The following DPY19L1 variants were observed in gnomAD, a reference collection of about 807,000 sequenced individuals.
DPY19L1 encodes the protein dpy-19 like C-mannosyltransferase 1, also known as protein C-mannosyl-transferase DPY19L1.
In DPY19L1, 35 loss-of-function variants were observed where a neutral mutation model predicts 96.9. The ratio of observed to expected loss-of-function variants is 0.36; its 90% CI spans 0.28 to 0.48. The LOEUF (loss-of-function observed/expected upper bound fraction) is 0.48. Among genes scored for constraint, DPY19L1 ranks in the 20% least tolerant of loss-of-function variants. DPY19L1 has a pLI of 0.99. For missense variants in DPY19L1, 521 were observed against 777.9 expected, an observed-to-expected ratio of 0.67 and a Z score of 3.93; for synonymous variants, 205 against 252.6, an observed-to-expected ratio of 0.81 and a Z score of 1.79.
intron 6 of DPY19L1, among the ~76,000 whole-genome samples, chr7:35,004,740 A>T (rs1333334235): frequency 1.3e-5 from 2 of 152,280 alleles, no homozygotes; most frequent in South Asian, 2.1e-4. Context: ...AATTTCACAC[A>T]GCTGTTTCTT....
intron 10 of DPY19L1, among the ~76,000 whole-genome samples, chr7:34,964,279 A>G (rs1380895854): frequency 6.6e-6 from 1 of 152,180 alleles, no homozygotes; most frequent in Non-Finnish European, 1.5e-5. Flanking sequence ...TGCAAACTAC[A>G]TTGTGTAATT....
At chr7:35,010,383 C>G in intron 6 of DPY19L1, 85 bp downstream of exon 6, 2 of 781,124 alleles carry the variant, frequency 2.6e-6, no homozygotes, top group Middle Eastern at 3.9e-4. Flanking sequence ...TAAAACTGAA[C>G]TATAAATTAA....
At chr7:34,976,682 C>T (rs923105665) in intron 7 of DPY19L1, among the ~76,000 whole-genome samples, 2 of 152,156 alleles carry the variant, frequency 1.3e-5, no homozygotes, top group Non-Finnish European at 2.9e-5. Flanking sequence ...AAGAAATTGC[C>T]ACAGCTATCC....
At chr7:35,034,848 T>C (rs1786348431) in intron 1 of DPY19L1, among the ~76,000 whole-genome samples, 1 of 152,228 alleles carries the variant, frequency 6.6e-6, no homozygotes, top group Non-Finnish European at 1.5e-5. Flanking sequence ...GAATATGCAA[T>C]GCAATGTGGA....
intron 7 of DPY19L1, among the ~76,000 whole-genome samples, chr7:34,980,188 T>C (rs1385572367): frequency 1.3e-5 from 2 of 152,128 alleles, no homozygotes; most frequent in East Asian, 3.8e-4. Flanking sequence ...CTAGGTTAAC[T>C]GGACATCCTA....
chr7:34,959,941 AT>A (rs1784468187), intron 10 of DPY19L1, among the ~76,000 whole-genome samples: 1 of 143,556 alleles, frequency 7.0e-6, no homozygotes, highest in African/African-American at 2.5e-5. Context: ...ATATATATAT[AT>A]ATATAAAAGA....
intron 8 of DPY19L1, among the ~76,000 whole-genome samples, 192 bp downstream of exon 8, chr7:34,973,322 A>T (rs991680504): frequency 1.3e-5 from 2 of 152,186 alleles, no homozygotes; most frequent in African/African-American, 4.8e-5. Context: ...ACCAAGAAAA[A>T]GGAGGAGGAA....
intron 7 of DPY19L1, among the ~76,000 whole-genome samples, chr7:34,985,895 C>A (rs1423553061): frequency 1.3e-5 from 2 of 151,800 alleles, no homozygotes; most frequent in Non-Finnish European, 2.9e-5. Flanking sequence ...AGCCAAGACA[C>A]GGAAGCAACC....
intron 6 of DPY19L1, among the ~76,000 whole-genome samples, chr7:34,999,757 G>C (rs1785379571): frequency 6.6e-6 from 1 of 152,126 alleles, no homozygotes. Context: ...GAATTAATCA[G>C]CATACAGAAC....
chr7:34,936,630 A>T (rs1425126320), intron 21 of DPY19L1, among the ~76,000 whole-genome samples: 1 of 152,238 alleles, frequency 6.6e-6, no homozygotes, highest in East Asian at 1.9e-4. Context: ...TTTATATAAC[A>T]ATGTTAAAGG....
At chr7:34,972,224 G>A (rs941358131) in intron 8 of DPY19L1, among the ~76,000 whole-genome samples, 14 of 152,342 alleles carry the variant, frequency 9.2e-5, no homozygotes, top group African/African-American at 3.4e-4. Context: ...TTCAGGAAGA[G>A]GGTTGCACCT....
At position 34,990,220 on chromosome 7, in the gene DPY19L1, T is replaced by C. The variant is rs191480329; in HGVS notation, c.765-279A>G. On this transcript the variant is annotated intron_variant, in intron 6 of 21. Coordinates refer to ENST00000638088, the MANE Select transcript of DPY19L1 (RefSeq NM_001366673.1). ...GAATAGAAAATTCTTAGTAGTCATA[T>C]TACTGTACATCACGCAACCTGATAT... Among the ~76,000 whole-genome samples, 5 of 152,378 alleles carry C rather than the reference T, an allele frequency of 3.3e-5. No homozygotes were observed. In the East Asian group the frequency reaches 7.7e-4, roughly 23 times the overall value.
intron 3 of DPY19L1, among the ~76,000 whole-genome samples, chr7:35,014,011 T>C (rs1785777993): frequency 6.6e-6 from 1 of 152,212 alleles, no homozygotes; most frequent in African/African-American, 2.4e-5. Flanking sequence ...ATATCACTCT[T>C]AGAAAATGCT....
At chr7:34,939,107 G>A (rs116714147) in intron 20 of DPY19L1, 169 bp downstream of exon 20, 17 of 528,464 alleles carry the variant, frequency 3.2e-5, no homozygotes, top group Middle Eastern at 5.0e-4. Flanking sequence ...AAGCTTTAAC[G>A]GATTTGTTTA....
chr7:34,958,062 A>G lies in DPY19L1; in HGVS notation c.1101T>C (p.Leu367=), dbSNP rs761618635. Residue 367 remains leucine, a synonymous_variant, in exon 11 of 22, where the codon CTT becomes CTC. Coordinates refer to ENST00000638088, the MANE Select transcript of DPY19L1 (RefSeq NM_001366673.1). ...CAAACATCAAAACAAAACAAAGTGC[A>G]AGAGAAATCTGGAAAAATCCAAGAA... The part of the protein sequence containing the change: ...RKIIYIHMIS[L]ALCFVLMFGN... The G allele has an allele frequency of 6.4e-7, 1 of 1,574,456 alleles. No homozygotes were observed. The highest frequency in any genetic ancestry group is 8.6e-7 in the Non-Finnish European group (1 of 1,168,974).
intron 8 of DPY19L1, 29 bp downstream of exon 8, chr7:34,973,485 A>C: frequency 7.1e-7 from 1 of 1,398,866 alleles, no homozygotes; most frequent in Non-Finnish European, 9.5e-7. Context: ...TATTTAATGC[A>C]AAAAGAAATA....
At chr7:35,023,601 T>C (rs1344760847) in intron 1 of DPY19L1, among the ~76,000 whole-genome samples, 1 of 152,192 alleles carries the variant, frequency 6.6e-6, no homozygotes, top group African/African-American at 2.4e-5. Context: ...CACAATAATC[T>C]TGTGAGTATT....
intron 1 of DPY19L1, among the ~76,000 whole-genome samples, chr7:35,022,240 T>C (rs1786012163): frequency 1.3e-5 from 2 of 152,218 alleles, no homozygotes. Flanking sequence ...AAGATAAATA[T>C]GGCATTTTAA....
At chr7:35,025,413 A>G (rs1024497343) in intron 1 of DPY19L1, among the ~76,000 whole-genome samples, 1 of 152,110 alleles carries the variant, frequency 6.6e-6, no homozygotes, top group Non-Finnish European at 1.5e-5. Flanking sequence ...ACTCAAGCAG[A>G]TGGCATAAAG....
Sources: allele counts gnomAD v4.1 joint callset (sites outside exome capture counted in the v4.1 genomes callset), GRCh38; gene constraint gnomAD v4.1.1; transcripts MANE v1.5; gene names NCBI Gene and HGNC (gene_info 2026-07-23, HGNC 2026-07-21).